The following HSPA2 variants were observed in gnomAD, a reference collection of about 807,000 sequenced individuals.
HSPA2 encodes heat shock protein family A (Hsp70) member 2, also known as heat shock-related 70 kDa protein 2.
A neutral mutation model predicts 35.0 loss-of-function variants in HSPA2; 13 were observed. That is an observed-to-expected ratio of 0.37 (90% CI 0.24 to 0.59). The LOEUF is 0.59. HSPA2 is among the 20% of genes least tolerant of loss of function. The pLI is 0.70. For missense variants in HSPA2, 565 were observed against 885.4 expected (o/e 0.64, Z 4.59); for synonymous variants, 368 against 382.1 (o/e 0.96, Z 0.43).
At position 64,541,814 on chromosome 14, in the gene HSPA2, A is replaced by C. The variant is rs1027330886; in HGVS notation, c.965A>C (p.Lys322Thr). 1 of 1,613,476 alleles carries C rather than the reference A, an allele frequency of 6.2e-7. No homozygotes were observed. The highest frequency in any genetic ancestry group is 8.5e-7 in the Non-Finnish European group (1 of 1,180,048). Reference sequence around the variant, plus strand: ...CGCGGGACCCTGGAGCCGGTGGAGAAGGCGCTGCGCGACGCCAAGCTGGAC... The same window carrying C: ...CGCGGGACCCTGGAGCCGGTGGAGACGGCGCTGCGCGACGCCAAGCTGGAC... ...LFRGTLEPVE[K>T]ALRDAKLDKG... Residue 322 changes from lysine to threonine, a missense_variant, in exon 1 of 1, where the codon AAG (lysine) becomes ACG (threonine). Coordinates refer to ENST00000247207, the MANE Select transcript of HSPA2 (RefSeq NM_021979.4).
At chr14:64,539,763 C>T (rs1312982323), upstream of HSPA2, among the ~76,000 whole-genome samples, 2 of 152,160 alleles carry the variant, frequency 1.3e-5, no homozygotes, top group African/African-American at 2.4e-5. Flanking sequence ...CTCACTGCAA[C>T]CTCCACCTCC....
chr14:64,542,704 G>GGCGGCGGCA lies in HSPA2; in HGVS notation c.1864_1872dup (p.Ser622_Gly624dup), dbSNP rs1251215555. On this transcript the variant is annotated inframe_insertion, in exon 1 of 1. Coordinates refer to ENST00000247207, the MANE Select transcript of HSPA2 (RefSeq NM_021979.4). The surrounding 1 kb of genome is among the most constrained non-coding windows in gnomAD (Gnocchi z 5.7). Reference sequence around the variant, plus strand: ...CAGCAAACTTTACCAAGGTGGTCCTGGCGGCGGCAGCGGCGGCGGCGGTTC... The same window carrying GGCGGCGGCA: ...CAGCAAACTTTACCAAGGTGGTCCTGGCGGCGGCAGCGGCGGCAGCGGCGGCGGCGGTTC... The GGCGGCGGCA allele has an allele frequency of 2.5e-6, 4 of 1,614,022 alleles. No individual in the cohort carries two copies. The highest frequency in any genetic ancestry group is 3.4e-6 in the Non-Finnish European group (4 of 1,179,994).
upstream of HSPA2, among the ~76,000 whole-genome samples, chr14:64,536,688 G>C (rs918258529): frequency 6.6e-6 from 1 of 152,190 alleles, no homozygotes; most frequent in Non-Finnish European, 1.5e-5. Flanking sequence ...TGTGCAAGCT[G>C]TGAGCCTGCC....
At chr14:64,540,321 A>AT (rs1429659963), upstream of HSPA2, 1 of 179,504 alleles carries the variant, frequency 5.6e-6, no homozygotes, top group Non-Finnish European at 1.2e-5. Flanking sequence ...CCTCACCGGG[A>AT]TCCCCTTCCA....
At position 64,541,889 on chromosome 14, in the gene HSPA2, C is replaced by T. The variant is rs750448439; in HGVS notation, c.1040C>T (p.Pro347Leu). 6.2e-7 allele frequency: 1 copy of T among 1,613,492 alleles called. No homozygotes were observed. Among genetic ancestry groups the T allele is most frequent in the African/African-American group, 1.3e-5 (1 of 74,916 alleles). The change falls in exon 1 of 1, where the codon CCC (proline) becomes CTC (leucine). Residue 347 changes from proline (P) to leucine (L), a missense_variant. Pro to Leu is a moderately conservative substitution (Grantham distance 98). Coordinates refer to ENST00000247207, the MANE Select transcript of HSPA2 (RefSeq NM_021979.4). ...IVLVGGSTRIPKIQKLLQDFF... is the reference protein window; with the variant it reads ...IVLVGGSTRILKIQKLLQDFF... ...CTGGTGGGCGGCTCCACTCGTATCC[C>T]CAAGATCCAGAAGCTGCTGCAGGAT... is the stretch of plus-strand genomic sequence containing the variant.
At position 64,542,783 on chromosome 14, in the gene HSPA2, T is replaced by C. The variant is rs11551978; in HGVS notation, c.*14T>C. On this transcript the variant is annotated 3_prime_UTR_variant, in exon 1 of 1. Coordinates refer to ENST00000247207, the MANE Select transcript of HSPA2 (RefSeq NM_021979.4). This position sits in a 1 kb window ranked among gnomAD's most constrained non-coding sequence, Gnocchi z 5.7. ...GAAGTGGACTAAGCTTGCACTCAAG[T>C]CAGCGTAAACCTCTTTGCCTTTCTC... 7 of 1,584,616 alleles carry C rather than the reference T, an allele frequency of 4.4e-6. No individual in the cohort carries two copies. The highest frequency in any genetic ancestry group is 2.3e-5 in the South Asian group (2 of 88,078).
At chr14:64,538,062 A>C (rs2079992917), upstream of HSPA2, among the ~76,000 whole-genome samples, 1 of 151,866 alleles carries the variant, frequency 6.6e-6, no homozygotes, top group Admixed American at 6.5e-5. Flanking sequence ...CTTTTTCAAA[A>C]TTTTTTCAAA....
upstream of HSPA2, chr14:64,540,671 C>T (rs2080020140): frequency 1.1e-6 from 1 of 929,806 alleles, no homozygotes; most frequent in East Asian, 2.6e-5. Context: ...TGAGGGCGGT[C>T]CCGGGAGCGG....
At chr14:64,540,685 G>T, upstream of HSPA2, 1 of 1,067,768 alleles carries the variant, frequency 9.4e-7, no homozygotes, top group Non-Finnish European at 1.3e-6. Context: ...GGAGCGGATT[G>T]GGTCTGGGAG....
chr14:64,541,878 C>T lies in HSPA2; in HGVS notation c.1029C>T (p.Ser343=), dbSNP rs753941427. ...QIQEIVLVGG[S]TRIPKIQKLL... ...AGGAGATCGTGCTGGTGGGCGGCTC[C>T]ACTCGTATCCCCAAGATCCAGAAGC... Residue 343 remains serine (S), a synonymous_variant, in exon 1 of 1, where the codon TCC becomes TCT. Transcript: ENST00000247207. The T allele has an allele frequency of 6.2e-7, 1 of 1,613,580 alleles. No individual in the cohort carries two copies. The highest frequency in any genetic ancestry group is 1.1e-5 in the South Asian group (1 of 91,084).
Position 64,541,917 on chromosome 14 carries a change from C to T in HSPA2, c.1068C>T (p.Phe356=), listed in dbSNP as rs143075372. The change falls in exon 1 of 1, where the codon TTC becomes TTT. Residue 356 remains phenylalanine (F), a synonymous_variant. Coordinates refer to ENST00000247207, the MANE Select transcript of HSPA2 (RefSeq NM_021979.4). Reference sequence around the variant, plus strand: ...AGATCCAGAAGCTGCTGCAGGATTTCTTCAACGGCAAGGAGCTGAACAAGA... The same window carrying T: ...AGATCCAGAAGCTGCTGCAGGATTTTTTCAACGGCAAGGAGCTGAACAAGA... The part of the protein sequence containing the change: ...IPKIQKLLQD[F]FNGKELNKSI... 103 of 1,613,602 alleles carry T rather than the reference C, an allele frequency of 6.4e-5. No individual in the cohort carries two copies. The African/African-American group carries it at 1.3e-3, about 20-fold the overall frequency.
upstream of HSPA2, among the ~76,000 whole-genome samples, chr14:64,536,953 T>C (rs1272308136): frequency 2.0e-5 from 3 of 152,132 alleles, no homozygotes; most frequent in Non-Finnish European, 2.9e-5. Context: ...GCAAGATGTG[T>C]TTGTAATATC....
At chr14:64,538,514 T>A (rs1278130493), upstream of HSPA2, among the ~76,000 whole-genome samples, 2 of 152,238 alleles carry the variant, frequency 1.3e-5, no homozygotes, top group Admixed American at 6.5e-5. Flanking sequence ...ACACAACCTA[T>A]GTAAAGAATG....
In HSPA2 at chr14:64,541,565, G is replaced by T. The variant is rs777622120; in HGVS notation, c.716G>T (p.Arg239Leu). Residue 239 changes from arginine (R) to leucine (L), a missense_variant, in exon 1 of 1, where the codon CGC becomes CTC. Around this residue, in one of 4 missense-constraint regions of HSPA2, gnomAD observed 234 missense variants for 419.0 expected, o/e 0.56. Coordinates refer to ENST00000247207, the MANE Select transcript of HSPA2 (RefSeq NM_021979.4). The stretch of plus-strand genomic sequence containing the variant: ...CTGGGCGGTGAGGACTTCGACAACC[G>T]CATGGTGAGCCACCTGGCGGAGGAG... ...THLGGEDFDNRMVSHLAEEFK... is the reference protein window; with the variant it reads ...THLGGEDFDNLMVSHLAEEFK... The T allele has an allele frequency of 8.1e-6, 13 of 1,612,638 alleles. No homozygotes were observed. The highest frequency in any genetic ancestry group is 1.6e-4 in the Middle Eastern group (1 of 6,084).
upstream of HSPA2, among the ~76,000 whole-genome samples, chr14:64,538,100 G>A (rs1189469307): frequency 6.6e-6 from 1 of 152,126 alleles, no homozygotes; most frequent in Non-Finnish European, 1.5e-5. Context: ...AGGAATTATG[G>A]TTAAAATTAG....
chr14:64,536,303 T>C (rs45457592), upstream of HSPA2, among the ~76,000 whole-genome samples: 1,311 of 152,338 alleles, frequency 8.6e-3, 23 homozygotes, highest in African/African-American at 0.03. Flanking sequence ...ATTCATCATA[T>C]GCATGTACTA....
chr14:64,539,964 C>T (rs1348085979), upstream of HSPA2, among the ~76,000 whole-genome samples: 1 of 152,236 alleles, frequency 6.6e-6, no homozygotes, highest in Non-Finnish European at 1.5e-5. Flanking sequence ...CAGGCGTTAG[C>T]CACTGCGCCC....
rs1428125076 is a variant in HSPA2, at chr14:64,541,968, C to G, written c.1119C>G (p.Ala373=). ...GCATCAACCCCGACGAGGCGGTGGC[C>G]TATGGCGCCGCGGTGCAGGCGGCCA... The part of the protein sequence containing the change: ...NKSINPDEAV[A]YGAAVQAAIL... The change falls in exon 1 of 1, where the codon GCC becomes GCG. Residue 373 remains alanine (A), a synonymous_variant. Coordinates refer to ENST00000247207, the MANE Select transcript of HSPA2 (RefSeq NM_021979.4). 2 of 1,613,494 alleles carry G rather than the reference C, an allele frequency of 1.2e-6. No individual in the cohort carries two copies. The highest frequency in any genetic ancestry group is 2.7e-5 in the African/African-American group (2 of 74,934).
upstream of HSPA2, chr14:64,540,717 A>T: frequency 1.5e-6 from 2 of 1,378,982 alleles, no homozygotes; most frequent in South Asian, 1.4e-5. Flanking sequence ...GGCTATAAGA[A>T]CCGGGAACTG....
Sources: allele counts gnomAD v4.1 joint callset (sites outside exome capture counted in the v4.1 genomes callset), GRCh38; gene constraint gnomAD v4.1.1; regional missense constraint gnomAD v4.1.1; non-coding constraint Gnocchi (gnomAD v3.1); transcripts MANE v1.5; gene names NCBI Gene and HGNC (gene_info 2026-07-23, HGNC 2026-07-21).